The following NFIC variants were observed in gnomAD, a reference collection of about 807,000 sequenced individuals.
NFIC encodes the protein nuclear factor 1 C-type.
A neutral mutation model predicts 54.4 loss-of-function variants in NFIC; 12 were observed. The observed-to-expected ratio is 0.22, with a 90% CI of 0.14 to 0.36. The LOEUF is 0.36. Among genes scored for constraint, NFIC ranks in the 10% least tolerant of loss-of-function variants. NFIC has a pLI of 1.00. For missense variants in NFIC, 575 were observed against 718.2 expected (o/e 0.80, Z 2.28); for synonymous variants, 322 against 319.2 (o/e 1.01, Z -0.09).
Position 3,463,893 on chromosome 19 carries a change from G to A in NFIC, c.*1124G>A, listed in dbSNP as rs1221815698. 3 of 947,646 alleles carry A rather than the reference G, an allele frequency of 3.2e-6. No individual in the cohort carries two copies. The highest frequency in any genetic ancestry group is 3.9e-5 in the African/African-American group (2 of 51,590). The allele number at this position is 947,646 out of a possible 1,614,324, so 58.7% of individuals were successfully genotyped here. ...TGTCCAGCTGGGACACGGAATGGCC[G>A]CGGGCCTCCTCCCCCTCCCCTCCAG... On this transcript the variant is annotated 3_prime_UTR_variant, in exon 11 of 11. Transcript: ENST00000443272.
rs12971613 is a variant in NFIC, at chr19:3,464,714, C to G, written c.*1945C>G. ...GCCTCAGGAGCTTGGCGAACCCGCT[C>G]GCTCCTAAAGAGAAAGACCCAGGAC... On this transcript the variant is annotated 3_prime_UTR_variant, in exon 11 of 11. Transcript: ENST00000443272. 3 of 985,016 alleles carry G rather than the reference C, an allele frequency of 3.0e-6. No homozygotes were observed. Among genetic ancestry groups the G allele is most frequent in the East Asian group, 1.1e-4 (1 of 8,702 alleles). 61.0% of individuals were successfully genotyped at this position (985,016 alleles called of 1,614,324 possible).
At chr19:3,366,099 AG>A (rs949157168), upstream of NFIC, among the ~76,000 whole-genome samples, 35 of 132,794 alleles carry the variant, frequency 2.6e-4, no homozygotes, top group Middle Eastern at 7.4e-3. Context: ...GGGGGTGGGG[AG>A]GGGGGGCCTT....
chr19:3,440,772 C>T (rs962482001), intron 6 of NFIC, among the ~76,000 whole-genome samples: 1 of 152,106 alleles, frequency 6.6e-6, no homozygotes. Context: ...CCGCCCGCCT[C>T]GGCCTCCCAA....
At chr19:3,409,929 C>T (rs1555748930) in intron 2 of NFIC, among the ~76,000 whole-genome samples, 1 of 152,192 alleles carries the variant, frequency 6.6e-6, no homozygotes, top group African/African-American at 2.4e-5. Flanking sequence ...ATTTGCTGGC[C>T]GGCTGCGGTG....
intron 2 of NFIC, among the ~76,000 whole-genome samples, chr19:3,415,098 C>A (rs1163379896): frequency 6.6e-6 from 1 of 151,976 alleles, no homozygotes; most frequent in Admixed American, 6.6e-5. Context: ...CCTCAGGCTC[C>A]CAAAGTGCTA....
chr19:3,367,414 G>T (rs1024615074), intron 1 of NFIC, among the ~76,000 whole-genome samples: 1 of 152,248 alleles, frequency 6.6e-6, no homozygotes, highest in Non-Finnish European at 1.5e-5. Context: ...CGGCGCTCCG[G>T]GTCTGGCCCG....
rs2081218511 is a variant in NFIC at position 3,382,020 on chromosome 19, C to T, written c.339C>T (p.Gly113=). 1.9e-6 allele frequency: 3 copies of T among 1,613,470 alleles called. No homozygotes were observed. Among genetic ancestry groups the T allele is most frequent in the Middle Eastern group, 1.6e-4 (1 of 6,084 alleles). Residue 113 remains glycine, a synonymous_variant, in exon 2 of 11, where the codon GGC becomes GGT. Transcript: ENST00000443272. ...GCVLSNPDQK[G]KMRRIDCLRQ... is the part of the protein sequence containing the mutation. Reference sequence around the variant, plus strand: ...TGCTCTCCAACCCCGACCAGAAGGGCAAGATGCGGCGCATCGACTGTCTCC... The same window carrying T: ...TGCTCTCCAACCCCGACCAGAAGGGTAAGATGCGGCGCATCGACTGTCTCC...
chr19:3,457,490 C>T (rs1192721026), intron 10 of NFIC, among the ~76,000 whole-genome samples: 1 of 152,134 alleles, frequency 6.6e-6, no homozygotes, highest in Non-Finnish European at 1.5e-5. Flanking sequence ...AGTGTGTGAG[C>T]GCGTCTTCGG....
chr19:3,429,009 G>A (rs2082071441), intron 3 of NFIC, among the ~76,000 whole-genome samples: 1 of 151,984 alleles, frequency 6.6e-6, no homozygotes, highest in African/African-American at 2.4e-5. Context: ...AGGGGGCCGG[G>A]TGCGGTGGCT....
rs993909951 is a variant in NFIC at position 3,453,620 on chromosome 19, A to G, written c.1270-143A>G. On this transcript the variant is annotated intron_variant, in intron 8 of 10. Coordinates refer to ENST00000443272, the MANE Select transcript of NFIC (RefSeq NM_001245002.2). This position sits in a 1 kb window ranked among gnomAD's most constrained non-coding sequence, Gnocchi z 6.7. ...CTCCGGCCGTCCTCAGACCCACCAA[A>G]CCCGCCATGGTCACACCCGCGCCCT... 16 of 1,185,512 alleles carry G rather than the reference A, an allele frequency of 1.3e-5. No individual in the cohort carries two copies. The highest frequency in any genetic ancestry group is 1.7e-5 in the Non-Finnish European group (15 of 879,140). 73.4% of individuals were successfully genotyped at this position (1,185,512 alleles called of 1,614,324 possible).
chr19:3,447,159 C>T (rs1022056991), intron 6 of NFIC, among the ~76,000 whole-genome samples: 4 of 151,762 alleles, frequency 2.6e-5, no homozygotes, highest in East Asian at 1.9e-4. Flanking sequence ...ATGACCCGGG[C>T]GTGGTGGTGG....
In NFIC at chr19:3,429,245, A is replaced by T. The variant is rs1472150494; in HGVS notation, c.634+4068A>T. ...TATCTCTACCCCAAAAAAAAAAAAA[A>T]AAATATATACACACACACACACACA... On this transcript the variant is annotated intron_variant, in intron 3 of 10. Coordinates refer to ENST00000443272, the MANE Select transcript of NFIC (RefSeq NM_001245002.2). Among the ~76,000 whole-genome samples the T allele has an allele frequency of 9.4e-4, 43 of 45,776 alleles. 1 individual carries two copies. The highest frequency in any genetic ancestry group is 1.2e-3 in the Non-Finnish European group (27 of 22,954). 30.0% of individuals were successfully genotyped at this position (45,776 alleles called of 152,430 possible).
At chr19:3,448,904 G>A in intron 6 of NFIC, 110 bp from the exon 7 acceptor site, 1 of 1,471,142 alleles carries the variant, frequency 6.8e-7, no homozygotes, top group Non-Finnish European at 9.1e-7. Flanking sequence ...TGGGGTAAGA[G>A]GAGGCGGGGT....
intron 3 of NFIC, among the ~76,000 whole-genome samples, chr19:3,431,071 T>G (rs1197849916): frequency 6.6e-6 from 1 of 152,102 alleles, no homozygotes; most frequent in African/African-American, 2.4e-5. Context: ...CTCGTTCTTT[T>G]ATTTTTATTT....
intron 2 of NFIC, among the ~76,000 whole-genome samples, chr19:3,420,518 C>T (rs2081936167): frequency 6.7e-6 from 1 of 149,596 alleles, no homozygotes; most frequent in Non-Finnish European, 1.5e-5. Flanking sequence ...CACTCCAGTC[C>T]TGGCAACAAG....
rs1198328754 is a variant in NFIC, at chr19:3,429,133, AT to A, written c.634+3957del. Among the ~76,000 whole-genome samples, 17 of 64,550 alleles carry A rather than the reference AT, an allele frequency of 2.6e-4. 1 individual carries two copies. The highest frequency in any genetic ancestry group is 1.4e-3 in the South Asian group (2 of 1,396). 42.3% of individuals were successfully genotyped at this position (64,550 alleles called of 152,430 possible). A position where few individuals can be genotyped will look rare whatever the true frequency, so the allele number is the denominator to read the frequency against. On this transcript the variant is annotated intron_variant, in intron 3 of 10. Transcript: ENST00000443272. ...GACCCTATCTCTACCCAAAAAAAAA[AT>A]ATACACACACACACACACACACACA... is the stretch of plus-strand genomic sequence containing the variant.
chr19:3,395,722 C>G (rs2081451498), intron 2 of NFIC, among the ~76,000 whole-genome samples: 1 of 151,766 alleles, frequency 6.6e-6, no homozygotes, highest in African/African-American at 2.4e-5. Flanking sequence ...GCTTTGTCAC[C>G]CAGGCTGGAG....
intron 1 of NFIC, among the ~76,000 whole-genome samples, chr19:3,374,063 A>G (rs1211896169): frequency 6.6e-6 from 1 of 152,214 alleles, no homozygotes; most frequent in East Asian, 1.9e-4. Flanking sequence ...GGAATTTGGG[A>G]TAAGTGCTAA....
chr19:3,451,156 G>A (rs563310469), intron 7 of NFIC, among the ~76,000 whole-genome samples: 1 of 152,204 alleles, frequency 6.6e-6, no homozygotes, highest in Non-Finnish European at 1.5e-5. Flanking sequence ...CTCTGACGCA[G>A]GCCACCTTGA....
Sources: gnomAD v4.1 joint callset for allele counts (sites outside exome capture counted in the v4.1 genomes callset) on GRCh38, gnomAD v4.1.1 for gene constraint, Gnocchi (gnomAD v3.1) non-coding constraint, MANE v1.5 for transcripts, NCBI Gene and HGNC (gene_info 2026-07-23, HGNC 2026-07-21) for gene names.